The following SLC43A2 variants were observed in gnomAD, a reference collection of about 807,000 sequenced individuals.
SLC43A2 encodes large neutral amino acids transporter small subunit 4.
A neutral mutation model predicts 63.2 loss-of-function variants in SLC43A2; 38 were observed. The observed-to-expected ratio is 0.60, with a 90% CI of 0.46 to 0.79. The LOEUF (loss-of-function observed/expected upper bound fraction) is 0.79, where lower values mean the gene tolerates loss of function less well. Ranked by LOEUF, SLC43A2 falls within the 30% of genes least tolerant of loss-of-function variation. The pLI is 0.00. For missense variants in SLC43A2, 644 were observed against 756.2 expected (o/e 0.85, Z 1.74); for synonymous variants, 322 against 331.0 (o/e 0.97, Z 0.30).
intron 10 of SLC43A2, 161 bp downstream of exon 10, chr17:1,585,752 A>G: frequency 6.3e-7 from 1 of 1,584,618 alleles, no homozygotes; most frequent in Non-Finnish European, 8.5e-7. Context: ...GTTGAAACGC[A>G]TGCTGAGCTG....
chr17:1,586,928 T>TGGGGGCCCCCCCCCCC, intron 9 of SLC43A2: 2 of 1,232,914 alleles, frequency 1.6e-6, no homozygotes, highest in Non-Finnish European at 1.1e-6. Context: ...TCCCTGACAA[T>TGGGGGCCCCCCCCCCC]CCCCCCCACC....
At position 1,572,147 on chromosome 17, in the gene SLC43A2, A is replaced by G. The variant is rs1221019107; in HGVS notation, c.*3457T>C. The G allele has an allele frequency of 1.3e-5, 2 of 152,462 alleles. No individual in the cohort carries two copies. The highest frequency in any genetic ancestry group is 4.8e-5 in the African/African-American group (2 of 41,392). 9.4% of individuals were successfully genotyped at this position (152,462 alleles called of 1,614,324 possible). ...CCCATCAGCCTCCAGGGCCCAAATG[A>G]TTCCATGCAGTAGCTCTCTCCCCCT... On this transcript the variant is annotated 3_prime_UTR_variant, in exon 14 of 14. Transcript: ENST00000301335.
chr17:1,581,221 C>CACACAT (rs1491572456), intron 11 of SLC43A2, among the ~76,000 whole-genome samples: 22 of 151,906 alleles, frequency 1.4e-4, no homozygotes, highest in African/African-American at 4.8e-4. Flanking sequence ...CACACACACA[C>CACACAT]GCACGCTGTG....
chr17:1,579,882 C>T (rs1206589666), intron 11 of SLC43A2, among the ~76,000 whole-genome samples: 1 of 151,818 alleles, frequency 6.6e-6, no homozygotes, highest in Admixed American at 6.6e-5. Flanking sequence ...AAACCTCATC[C>T]CTTCCTAATT....
At chr17:1,618,532 T>C (rs1291455631) in intron 2 of SLC43A2, among the ~76,000 whole-genome samples, 1 of 152,236 alleles carries the variant, frequency 6.6e-6, no homozygotes, top group African/African-American at 2.4e-5. Flanking sequence ...GCAGTGGCTG[T>C]GGGGAGCACA....
intron 5 of SLC43A2, among the ~76,000 whole-genome samples, chr17:1,595,451 T>G (rs1905213372): frequency 6.8e-6 from 1 of 148,112 alleles, no homozygotes; most frequent in Non-Finnish European, 1.5e-5. Flanking sequence ...CAGCTAGTGG[T>G]TTTTTTTTTG....
chr17:1,623,618 GTGTACCCTCCTCTCCTCCAGGC>G (rs1458777334), intron 2 of SLC43A2, among the ~76,000 whole-genome samples: 2,132 of 145,568 alleles, frequency 0.015, 72 homozygotes, highest in African/African-American at 0.052. Context: ...CTCCTCCAGG[GTGTACCCTCCTCTCCTCCAGGC>G]TGTACCCTCC....
rs2075904521 is a variant in SLC43A2 at position 1,575,250 on chromosome 17, A to C, written c.*354T>G. 2 of 368,886 alleles carry C rather than the reference A, an allele frequency of 5.4e-6. No homozygotes were observed. Among genetic ancestry groups the C allele is most frequent in the African/African-American group, 4.3e-5 (2 of 46,612 alleles). 22.9% of individuals were successfully genotyped at this position (368,886 alleles called of 1,614,324 possible). ...GGGCAGGTGGCAGGCAGGGGATGGC[A>C]GCCCCCTCTGCTTTGGCAAGAGGCA... On this transcript the variant is annotated 3_prime_UTR_variant, in exon 14 of 14. Coordinates refer to ENST00000301335, the MANE Select transcript of SLC43A2 (RefSeq NM_152346.3).
At chr17:1,628,939 G>T (rs563330129), upstream of SLC43A2, 1 of 152,252 alleles carries the variant, frequency 6.6e-6, no homozygotes, top group South Asian at 2.1e-4. Flanking sequence ...CCAATCAGCA[G>T]CCAGCCCCCC....
chr17:1,627,829 C>G lies in SLC43A2; in HGVS notation c.46G>C (p.Ala16Pro). 3 of 1,591,092 alleles carry G rather than the reference C, an allele frequency of 1.9e-6. No individual in the cohort carries two copies. The highest frequency in any genetic ancestry group is 2.6e-6 in the Non-Finnish European group (3 of 1,169,238). ...AGGTTCTCCAGCACGGCCGTGCAGG[C>G]CATCCACCAGCGGCGCCGATGGGCA... is the stretch of plus-strand genomic sequence containing the variant. ...ATAHRRRWWM[A>P]CTAVLENLLF... The change falls in exon 2 of 14, where the codon GCC (alanine) becomes CCC (proline). Residue 16 changes from alanine (A) to proline (P), a missense_variant. Around this residue, in one of 3 missense-constraint regions of SLC43A2, gnomAD observed 528 missense variants for 623.6 expected, o/e 0.85. Transcript: ENST00000301335.
intron 2 of SLC43A2, among the ~76,000 whole-genome samples, chr17:1,619,905 G>A (rs1168355886): frequency 1.3e-5 from 2 of 152,214 alleles, no homozygotes; most frequent in Admixed American, 6.5e-5. Flanking sequence ...GGCTTGGGGG[G>A]CTGCACGTTC....
At chr17:1,602,463 T>C (rs1906146990) in intron 5 of SLC43A2, among the ~76,000 whole-genome samples, 1 of 151,958 alleles carries the variant, frequency 6.6e-6, no homozygotes, top group Non-Finnish European at 1.5e-5. Context: ...CTGGCCAACA[T>C]AGTGAAACCT....
intron 2 of SLC43A2, among the ~76,000 whole-genome samples, chr17:1,619,575 C>T (rs1907970721): frequency 6.6e-6 from 1 of 152,206 alleles, no homozygotes; most frequent in Non-Finnish European, 1.5e-5. Flanking sequence ...CAGGGTGGAG[C>T]TCAGAGCGGT....
intron 4 of SLC43A2, among the ~76,000 whole-genome samples, 169 bp downstream of exon 4, chr17:1,614,810 C>T (rs1432444292): frequency 6.6e-6 from 1 of 152,036 alleles, no homozygotes; most frequent in Non-Finnish European, 1.5e-5. Context: ...TCTCTGATCT[C>T]GCCGTCTATT....
intron 5 of SLC43A2, among the ~76,000 whole-genome samples, chr17:1,602,815 A>G (rs1157978998): frequency 7.0e-6 from 1 of 142,664 alleles, no homozygotes; most frequent in Non-Finnish European, 1.5e-5. Context: ...CTGGAGTGCA[A>G]TGGTGCAATC....
Position 1,615,675 on chromosome 17 carries a change from C to T in SLC43A2, c.369-641G>A, listed in dbSNP as rs562327930. Among the ~76,000 whole-genome samples the T allele has an allele frequency of 4.5e-4, 67 of 149,704 alleles. 1 individual carries two copies. In the South Asian group the frequency reaches 0.014, roughly 31 times the overall value. On this transcript the variant is annotated intron_variant, in intron 3 of 13. Coordinates refer to ENST00000301335, the MANE Select transcript of SLC43A2 (RefSeq NM_152346.3). ...TGGCTAACACAGTGAAACCCCGTCT[C>T]TACTAAAAATACAAAAAATTAGCCG...
In SLC43A2 at chr17:1,606,079, G is replaced by T. The variant is rs1383690424; in HGVS notation, c.501+7116C>A. 2.0e-5 allele frequency among the ~76,000 whole-genome samples: 3 copies of T among 152,184 alleles called. No individual in the cohort carries two copies. The highest frequency in any genetic ancestry group is 4.8e-5 in the African/African-American group (2 of 41,448). Reference sequence around the variant, plus strand: ...ACAGGACAGAAAGAGAGGAAGGTGGGGAGGCACAGCAGGCACTGGGCACTG... The same window carrying T: ...ACAGGACAGAAAGAGAGGAAGGTGGTGAGGCACAGCAGGCACTGGGCACTG... On this transcript the variant is annotated intron_variant, in intron 5 of 13. Transcript: ENST00000301335. This position sits in a 1 kb window ranked among gnomAD's most constrained non-coding sequence, Gnocchi z 4.7.
chr17:1,575,812 G>C (rs761011084), intron 13 of SLC43A2, 47 bp from the exon 14 acceptor site: 1 of 1,551,892 alleles, frequency 6.4e-7, no homozygotes, highest in African/African-American at 1.4e-5. Context: ...GTGGTGCGCC[G>C]AGGCTGCAGA....
intron 2 of SLC43A2, among the ~76,000 whole-genome samples, chr17:1,626,005 T>TA (rs33959232): frequency 0.96 from 141,842 of 147,618 alleles, 68,418 homozygotes; most frequent in South Asian, 1. Context: ...GACATTCTAT[T>TA]AAAAAAAAAC....
Sources: gnomAD v4.1 joint callset for allele counts (sites outside exome capture counted in the v4.1 genomes callset) on GRCh38, gnomAD v4.1.1 for gene constraint, gnomAD v4.1.1 regional missense constraint, Gnocchi (gnomAD v3.1) non-coding constraint, MANE v1.5 for transcripts, NCBI Gene and HGNC (gene_info 2026-07-23, HGNC 2026-07-21) for gene names.